Variants in TRPM1 observed in about 807,000 individuals in gnomAD.
TRPM1 encodes the protein TRPM1-203 APA Isoform, Intron 10.
Under a neutral mutation model 149.4 loss-of-function variants are expected in TRPM1, and 113 were observed. The observed-to-expected ratio is 0.76, with a 90% CI of 0.65 to 0.88. The LOEUF is 0.88. Ranked by LOEUF, TRPM1 falls within the 40% of genes least tolerant of loss-of-function variation. The pLI, the probability that TRPM1 is intolerant of heterozygous loss-of-function variation, is 0.00. For synonymous variants in TRPM1, 741 were observed against 759.5 expected, an observed-to-expected ratio of 0.98 and a Z score of 0.40; for missense variants, 1,976 against 2,038.7, an observed-to-expected ratio of 0.97 and a Z score of 0.59.
At chr15:31,043,835 C>T (rs1193259330) in intron 16 of TRPM1, among the ~76,000 whole-genome samples, 2 of 151,434 alleles carry the variant, frequency 1.3e-5, no homozygotes, top group Non-Finnish European at 2.9e-5. Flanking sequence ...TTAAAAACTG[C>T]CAGAGAGAGA....
chr15:31,049,533 C>G, intron 12 of TRPM1, 24 bp from the exon 13 acceptor site: 3 of 1,612,928 alleles, frequency 1.9e-6, no homozygotes, highest in Non-Finnish European at 2.5e-6. Flanking sequence ...GGGCCGGGAG[C>G]CTGTGAGTGG....
intron 1 of TRPM1, among the ~76,000 whole-genome samples, chr15:31,121,241 A>AG (rs1218207795): frequency 5.9e-5 from 9 of 151,484 alleles, no homozygotes; most frequent in Non-Finnish European, 8.8e-5. Context: ...AAAAAAAAAA[A>AG]AAAGAAAGCT....
intron 1 of TRPM1, among the ~76,000 whole-genome samples, chr15:31,096,730 T>A (rs1454256219): frequency 1.3e-5 from 2 of 152,240 alleles, no homozygotes; most frequent in East Asian, 3.8e-4. Flanking sequence ...CCTTTCCCGA[T>A]GTTCTCTGTC....
At position 31,115,434 on chromosome 15, in the gene TRPM1, C is replaced by A. The variant is rs114120800; in HGVS notation, c.55-38450G>T. On this transcript the variant is annotated intron_variant, in intron 1 of 26. Transcript: ENST00000542188. ...TTGAGGTCACAGGGGCAAACTGACA[C>A]CCTGAAAAATGAAGAGAAAGGGAAA... 9.8e-3 allele frequency among the ~76,000 whole-genome samples: 1,492 copies of A among 152,126 alleles called. 26 individuals are homozygous for A. Among genetic ancestry groups the A allele is most frequent in the African/African-American group, 0.034 (1,401 of 41,494 alleles).
At chr15:31,154,926 C>T (rs997274866) in intron 1 of TRPM1, among the ~76,000 whole-genome samples, 40 of 152,018 alleles carry the variant, frequency 2.6e-4, no homozygotes, top group African/African-American at 8.5e-4. Flanking sequence ...CACTGGCTTC[C>T]CCCCACCCAC....
rs1050951529 is a variant in TRPM1, at chr15:31,067,109, G to T, written c.572C>A (p.Ala191Asp). 1 of 1,614,038 alleles carries T rather than the reference G, an allele frequency of 6.2e-7. No individual in the cohort carries two copies. The highest frequency in any genetic ancestry group is 1.3e-5 in the African/African-American group (1 of 74,916). Residue 191 changes from alanine to aspartate, a missense_variant, in exon 6 of 28, where the codon GCT becomes GAT. Physicochemically the swap from Ala to Asp is moderately radical, Grantham distance 126 (BLOSUM62 -2). Coordinates refer to ENST00000256552, the MANE Select transcript of TRPM1 (RefSeq NM_001252024.2). ...CTTATTCTCCACGATGCCCCATGGA[G>T]CAATTCCTATAGCACAAACCCGGCC... The part of the protein sequence containing the change: ...SRGRVCAIGI[A>D]PWGIVENKED...
In TRPM1 at chr15:31,001,957, A is replaced by G. The variant is rs759735313; in HGVS notation, c.4743T>C (p.Asn1581=). ...RSKSLHGHPR[N]VKSIQGKLDR... ...CTAACTTTCCCTGAATGGATTTCAC[A>G]TTCCTAGGATGTCCATGTAAACTTT... is the stretch of plus-strand genomic sequence containing the variant. The change falls in exon 28 of 28, where the codon AAT becomes AAC. Residue 1581 remains asparagine, a synonymous_variant. Transcript: ENST00000256552. 6.2e-7 allele frequency: 1 copy of G among 1,614,100 alleles called. No homozygotes were observed. The highest frequency in any genetic ancestry group is 2.2e-5 in the East Asian group (1 of 44,894).
intron 27 of TRPM1, among the ~76,000 whole-genome samples, chr15:31,016,135 G>A (rs576443492): frequency 2.0e-5 from 3 of 152,012 alleles, no homozygotes; most frequent in African/African-American, 7.3e-5. Context: ...TACTATCCTG[G>A]CTTTAGGCAT....
intron 2 of TRPM1, among the ~76,000 whole-genome samples, chr15:31,078,326 C>T (rs537932865): frequency 3.9e-5 from 6 of 152,262 alleles, no homozygotes; most frequent in African/African-American, 1.2e-4. Flanking sequence ...AGAGGTCATG[C>T]CGATGCCCCA....
intron 6 of TRPM1, among the ~76,000 whole-genome samples, chr15:31,066,642 A>AT (rs1341361801): frequency 1.3e-5 from 2 of 152,200 alleles, no homozygotes; most frequent in Non-Finnish European, 2.9e-5. Flanking sequence ...ACCAATACAT[A>AT]TGGCAACCTG....
chr15:31,027,128 A>G lies in TRPM1; in HGVS notation c.3294-11T>C. 1 of 1,612,554 alleles carries G rather than the reference A, an allele frequency of 6.2e-7. No individual in the cohort carries two copies. Among genetic ancestry groups the G allele is most frequent in the Admixed American group, 1.7e-5 (1 of 60,026 alleles). Reference sequence around the variant, plus strand: ...TCAAAGAAGGTATTGCTTTAAAAAGAAGACATTTTTACAGTTAGTTATATT... The same window carrying G: ...TCAAAGAAGGTATTGCTTTAAAAAGGAGACATTTTTACAGTTAGTTATATT... On this transcript the variant is annotated splice_polypyrimidine_tract_variant and intron_variant, in intron 25 of 27. Transcript: ENST00000256552.
At chr15:31,047,315 G>T (rs896909884) in intron 14 of TRPM1, 64 bp from the exon 15 acceptor site, 1 of 1,592,592 alleles carries the variant, frequency 6.3e-7, no homozygotes, top group African/African-American at 1.3e-5. Flanking sequence ...TTCATCACAC[G>T]TCTAGGGGGT....
intron 14 of TRPM1, 76 bp from the exon 15 acceptor site, chr15:31,047,327 A>G: frequency 1.9e-6 from 3 of 1,571,302 alleles, no homozygotes; most frequent in Non-Finnish European, 2.6e-6. Flanking sequence ...CTAGGGGGTA[A>G]GTGGCTGTCC....
intron 1 of TRPM1, among the ~76,000 whole-genome samples, chr15:31,113,275 C>G (rs1341107552): frequency 1.3e-5 from 2 of 152,222 alleles, no homozygotes; most frequent in Admixed American, 6.5e-5. Flanking sequence ...ACCCCTGATT[C>G]TGCCTGCTCC....
At chr15:31,031,266 G>A in intron 22 of TRPM1, 109 bp from the exon 23 acceptor site, 1 of 1,206,282 alleles carries the variant, frequency 8.3e-7, no homozygotes, top group Non-Finnish European at 1.2e-6. Context: ...GCTTAATTAG[G>A]ACGAAGAAAG....
At chr15:31,007,648 C>CAACAACAACAACA (rs148559185) in intron 27 of TRPM1, among the ~76,000 whole-genome samples, 2 of 84,150 alleles carry the variant, frequency 2.4e-5, no homozygotes, top group South Asian at 3.9e-4. Context: ...ACAACAGCAG[C>CAACAACAACAACA]GCAGCAACAA....
chr15:31,047,989 G>T, intron 13 of TRPM1, 50 bp from the exon 14 acceptor site: 2 of 1,549,582 alleles, frequency 1.3e-6, no homozygotes, highest in Non-Finnish European at 1.8e-6. Context: ...TTGGCCAGGC[G>T]CGGTGGCTCA....
intron 1 of TRPM1, among the ~76,000 whole-genome samples, chr15:31,125,790 C>T (rs193288417): frequency 7.5e-5 from 11 of 146,044 alleles, no homozygotes; most frequent in Admixed American, 2.7e-4. Flanking sequence ...TGTGTATGCA[C>T]CTAATAATAT....
intron 1 of TRPM1, among the ~76,000 whole-genome samples, chr15:31,119,937 G>A (rs1194178111): frequency 1.3e-5 from 2 of 151,868 alleles, no homozygotes; most frequent in African/African-American, 4.8e-5. Flanking sequence ...AAAAAGAAGG[G>A]AAGAAAAGAC....
Sources: allele counts gnomAD v4.1 joint callset (sites outside exome capture counted in the v4.1 genomes callset), GRCh38; gene constraint gnomAD v4.1.1; transcripts MANE v1.5; gene names NCBI Gene and HGNC (gene_info 2026-07-23, HGNC 2026-07-21).